Variants in LAMA4 observed in about 807,000 individuals in gnomAD.
LAMA4 encodes laminin subunit alpha-4.
A neutral mutation model predicts 207.1 loss-of-function variants in LAMA4; 127 were observed. The observed-to-expected ratio is 0.61, with a 90% CI of 0.53 to 0.71. The LOEUF (loss-of-function observed/expected upper bound fraction) is 0.71. Among genes scored for constraint, LAMA4 ranks in the 30% least tolerant of loss-of-function variants. The pLI, the probability that LAMA4 is intolerant of heterozygous loss-of-function variation, is 0.00. For synonymous variants in LAMA4, 761 were observed against 816.0 expected (o/e 0.93, Z 1.15); for missense variants, 2,093 against 2,246.5 (o/e 0.93, Z 1.38).
intron 2 of LAMA4, chr6:112,253,400 A>G (rs1731191995): frequency 3.6e-6 from 1 of 279,992 alleles, no homozygotes; most frequent in Non-Finnish European, 6.9e-6. Context: ...TTGTTTCTGG[A>G]ATACAATGGC....
intron 5 of LAMA4, among the ~76,000 whole-genome samples, chr6:112,197,465 C>T (rs1165061913): frequency 6.6e-6 from 1 of 152,142 alleles, no homozygotes; most frequent in Non-Finnish European, 1.5e-5. Context: ...AAAGGAAAAG[C>T]ATTTTCATGT....
At chr6:112,205,366 AC>A (rs1222628060) in intron 4 of LAMA4, among the ~76,000 whole-genome samples, 2 of 150,210 alleles carry the variant, frequency 1.3e-5, no homozygotes, top group Non-Finnish European at 2.9e-5. Context: ...GATTTACTGT[AC>A]TAAGGAGAAA....
intron 12 of LAMA4, 90 bp downstream of exon 12, chr6:112,172,520 TA>T: frequency 8.2e-7 from 1 of 1,221,124 alleles, no homozygotes; most frequent in Non-Finnish European, 1.2e-6. Context: ...ACTATACCAA[TA>T]TTTTAAAAAA....
At chr6:112,191,990 T>A in intron 5 of LAMA4, 140 bp from the exon 6 acceptor site, 3 of 769,124 alleles carry the variant, frequency 3.9e-6, no homozygotes, top group Non-Finnish European at 6.7e-6. Flanking sequence ...CTCATCTTCT[T>A]CATAGGACCA....
intron 24 of LAMA4, among the ~76,000 whole-genome samples, chr6:112,136,822 G>T (rs1779383935): frequency 1.3e-5 from 2 of 152,070 alleles, no homozygotes; most frequent in Admixed American, 1.3e-4. Context: ...ACTAATGGAT[G>T]AAGTTTTAAG....
In LAMA4 at chr6:112,139,259, G is replaced by T. The variant is rs1779539441; in HGVS notation, c.3143C>A (p.Ala1048Asp). The T allele has an allele frequency of 1.2e-6, 2 of 1,614,152 alleles. No homozygotes were observed. Among genetic ancestry groups the T allele is most frequent in the Non-Finnish European group, 1.7e-6 (2 of 1,180,012 alleles). The change falls in exon 24 of 39, where the codon GCC (alanine) becomes GAC (aspartate). Residue 1048 changes from alanine (A) to aspartate (D), a missense_variant. Coordinates refer to ENST00000230538, the MANE Select transcript of LAMA4 (RefSeq NM_001105206.3). Reference sequence around the variant, plus strand: ...ACCGGAGCCATCGAAGAAGTAACTGGCAGCCCGACTCTGAGTGAAGGCCAG... The same window carrying T: ...ACCGGAGCCATCGAAGAAGTAACTGTCAGCCCGACTCTGAGTGAAGGCCAG... Reference protein sequence around the residue: ...DKLAFTQSRAASYFFDGSGYA... With the variant: ...DKLAFTQSRADSYFFDGSGYA...
chr6:112,165,502 C>T (rs782289616), intron 12 of LAMA4, among the ~76,000 whole-genome samples: 23 of 152,134 alleles, frequency 1.5e-4, no homozygotes, highest in African/African-American at 1.9e-4. Context: ...ATTAGACATA[C>T]GGAGGATTAT....
chr6:112,239,321 C>CAAAAAA (rs1202967086), intron 2 of LAMA4, among the ~76,000 whole-genome samples: 2 of 78,248 alleles, frequency 2.6e-5, no homozygotes, highest in African/African-American at 9.8e-5. Context: ...GACTCCATCT[C>CAAAAAA]AAAAAAAAAA....
Position 112,139,298 on chromosome 6 carries a change from T to A in LAMA4, c.3111-7A>T. 3 of 1,614,162 alleles carry A rather than the reference T, an allele frequency of 1.9e-6. No individual in the cohort carries two copies. The highest frequency in any genetic ancestry group is 2.5e-6 in the Non-Finnish European group (3 of 1,179,966). Reference sequence around the variant, plus strand: ...AGTGAAGGCCAGCTTATCTCTGAAATGGAAACACAACGGTCATTTGAACAC... The same window carrying A: ...AGTGAAGGCCAGCTTATCTCTGAAAAGGAAACACAACGGTCATTTGAACAC... On this transcript the variant is annotated splice_region_variant and splice_polypyrimidine_tract_variant and intron_variant, in intron 23 of 38. Coordinates refer to ENST00000230538, the MANE Select transcript of LAMA4 (RefSeq NM_001105206.3).
At chr6:112,211,672 A>G (rs1420992995) in intron 3 of LAMA4, among the ~76,000 whole-genome samples, 1 of 152,170 alleles carries the variant, frequency 6.6e-6, no homozygotes, top group Non-Finnish European at 1.5e-5. Flanking sequence ...AAAGTTGGAG[A>G]AGGCTTAATG....
intron 2 of LAMA4, among the ~76,000 whole-genome samples, chr6:112,228,197 C>A (rs1785332622): frequency 6.6e-6 from 1 of 152,160 alleles, no homozygotes; most frequent in Non-Finnish European, 1.5e-5. Context: ...GTTGCCCTGT[C>A]CAGCTGGCCT....
chr6:112,181,686 T>C (rs755109355), intron 9 of LAMA4, among the ~76,000 whole-genome samples: 47 of 152,198 alleles, frequency 3.1e-4, no homozygotes, highest in Non-Finnish European at 5.7e-4. Flanking sequence ...GCCTGTACCA[T>C]GTTTCTCTTA....
intron 7 of LAMA4, 120 bp from the exon 8 acceptor site, chr6:112,187,721 G>A (rs1444364316): frequency 2.2e-5 from 22 of 1,006,350 alleles, no homozygotes; most frequent in Non-Finnish European, 2.9e-5. Flanking sequence ...GTCTCATGAA[G>A]AGCTGTAATT....
At chr6:112,137,684 CATTTTGTATTGAGATGTAGAGTG>C (rs1779436165) in intron 24 of LAMA4, among the ~76,000 whole-genome samples, 1 of 152,180 alleles carries the variant, frequency 6.6e-6, no homozygotes, top group Non-Finnish European at 1.5e-5. Context: ...TATTTACACT[CATTTTGTATTGAGATGTAGAGTG>C]ATGTGAAAAC....
Position 112,108,192 on chromosome 6 carries a change from A to T in LAMA4, c.*1245T>A, listed in dbSNP as rs1209877906. 6.0e-5 allele frequency among the ~76,000 whole-genome samples: 9 copies of T among 150,358 alleles called. No homozygotes were observed. Among genetic ancestry groups the T allele is most frequent in the Admixed American group, 3.3e-4 (5 of 15,138 alleles). Reference sequence around the variant, plus strand: ...TTTATATCCTCTCCCCTCAAAAGTTACTCCTTTTATGTATTGTTAATTCTG... The same window carrying T: ...TTTATATCCTCTCCCCTCAAAAGTTTCTCCTTTTATGTATTGTTAATTCTG... On this transcript the variant is annotated 3_prime_UTR_variant, in exon 39 of 39. Transcript: ENST00000230538.
At chr6:112,122,907 G>A (rs1778446308) in intron 31 of LAMA4, among the ~76,000 whole-genome samples, 1 of 152,176 alleles carries the variant, frequency 6.6e-6, no homozygotes, top group African/African-American at 2.4e-5. Flanking sequence ...TATTGAATGG[G>A]TAGAAGTAAA....
chr6:112,247,126 G>A (rs370124052), intron 2 of LAMA4, among the ~76,000 whole-genome samples: 8 of 152,026 alleles, frequency 5.3e-5, no homozygotes, highest in African/African-American at 1.7e-4. Flanking sequence ...AAGGAAGGAG[G>A]GACAGACTGA....
chr6:112,219,865 C>T (rs914971020), intron 2 of LAMA4, among the ~76,000 whole-genome samples: 1 of 152,042 alleles, frequency 6.6e-6, no homozygotes, highest in Non-Finnish European at 1.5e-5. Context: ...TTACTGAAGC[C>T]GGCTAATACA....
At chr6:112,131,921 C>T (rs9320394) in intron 28 of LAMA4, among the ~76,000 whole-genome samples, 71,482 of 151,960 alleles carry the variant, frequency 0.47, 17,269 homozygotes, top group South Asian at 0.68. Context: ...ATCTTACAGT[C>T]ACCAATCCTC....
Sources: gnomAD v4.1 joint callset for allele counts (sites outside exome capture counted in the v4.1 genomes callset) on GRCh38, gnomAD v4.1.1 for gene constraint, MANE v1.5 for transcripts, NCBI Gene and HGNC (gene_info 2026-07-23, HGNC 2026-07-21) for gene names.